The following NWD2 variants were observed in gnomAD, a reference collection of about 807,000 sequenced individuals.
NWD2 encodes NACHT and WD repeat domain-containing protein 2.
In NWD2, 37 loss-of-function variants were observed where a neutral mutation model predicts 132.7. The ratio of observed to expected loss-of-function variants is 0.28; its 90% CI spans 0.21 to 0.37. The LOEUF (loss-of-function observed/expected upper bound fraction) is 0.37. Among genes scored for constraint, NWD2 ranks in the 10% least tolerant of loss-of-function variants. The pLI is 1.00. For synonymous variants in NWD2, 705 were observed against 803.0 expected (o/e 0.88, Z 2.06); for missense variants, 1,592 against 2,122.4 (o/e 0.75, Z 4.91).
chr4:37,385,879 A>G (rs1348831918), intron 3 of NWD2, among the ~76,000 whole-genome samples: 1 of 152,244 alleles, frequency 6.6e-6, no homozygotes. Context: ...AAGTATATTC[A>G]TTAGCTCAGA....
At chr4:37,282,259 C>A (rs184531786) in intron 1 of NWD2, among the ~76,000 whole-genome samples, 5 of 152,088 alleles carry the variant, frequency 3.3e-5, no homozygotes, top group Non-Finnish European at 7.4e-5. Context: ...CTATTTATAT[C>A]GAAAAAGAAA....
chr4:37,274,366 C>G (rs1241315697), intron 1 of NWD2, among the ~76,000 whole-genome samples: 2 of 152,096 alleles, frequency 1.3e-5, no homozygotes, highest in African/African-American at 4.8e-5. Flanking sequence ...ATACACCCTC[C>G]CAAGACCAAA....
chr4:37,377,098 AAACTGTT>A (rs1720362563), intron 3 of NWD2, among the ~76,000 whole-genome samples: 1 of 152,200 alleles, frequency 6.6e-6, no homozygotes, highest in African/African-American at 2.4e-5. Context: ...TTTAGAGATT[AAACTGTT>A]TGCTGACCAC....
chr4:37,339,997 G>A (rs574760684), intron 2 of NWD2, among the ~76,000 whole-genome samples: 12 of 145,132 alleles, frequency 8.3e-5, no homozygotes, highest in East Asian at 4.0e-4. Context: ...ATTTCTTTCC[G>A]TCCTCATATT....
At position 37,444,962 on chromosome 4, in the gene NWD2, A is replaced by G. The variant is rs1212935596; in HGVS notation, c.2974A>G (p.Ser992Gly). 3.2e-6 allele frequency: 5 copies of G among 1,552,076 alleles called. No homozygotes were observed. The highest frequency in any genetic ancestry group is 3.5e-6 in the Non-Finnish European group (4 of 1,147,112). ...VLTALENGSI[S>G]TWDVETRQLL... ...CACAGCTTTAGAAAATGGTTCCATC[A>G]GCACCTGGGATGTAGAGACTCGACA... The change falls in exon 7 of 7, where the codon AGC becomes GGC. Residue 992 changes from serine to glycine, a missense_variant. Around this residue, in one of 7 missense-constraint regions of NWD2, gnomAD observed 1,071 missense variants for 1,398.0 expected, o/e 0.77. Transcript: ENST00000309447. This position sits in a 1 kb window ranked among gnomAD's most constrained non-coding sequence, Gnocchi z 4.8.
chr4:37,321,931 C>T (rs917576340), intron 1 of NWD2, among the ~76,000 whole-genome samples: 4 of 152,086 alleles, frequency 2.6e-5, no homozygotes, highest in African/African-American at 9.7e-5. Context: ...AACACAGAAA[C>T]CAGAGAAGAA....
At chr4:37,355,437 A>G (rs1719852564) in intron 2 of NWD2, among the ~76,000 whole-genome samples, 1 of 152,212 alleles carries the variant, frequency 6.6e-6, no homozygotes, top group Admixed American at 6.5e-5. Flanking sequence ...GGAATCACAC[A>G]AAGTCTCCAG....
intron 2 of NWD2, among the ~76,000 whole-genome samples, chr4:37,348,637 CATATATATATATATATATATATAT>C (rs370439742): frequency 1.5e-4 from 4 of 26,554 alleles, no homozygotes; most frequent in Middle Eastern, 0.021. Flanking sequence ...GTGGTTAATT[CATATATATATATATATATATATAT>C]ATATATATAT....
At chr4:37,355,484 A>C (rs1719853266) in intron 2 of NWD2, among the ~76,000 whole-genome samples, 1 of 152,146 alleles carries the variant, frequency 6.6e-6, no homozygotes, top group Non-Finnish European at 1.5e-5. Flanking sequence ...TCATACTGTG[A>C]GCTTCCATCT....
At chr4:37,422,965 T>C (rs1459582233) in intron 3 of NWD2, among the ~76,000 whole-genome samples, 1 of 151,176 alleles carries the variant, frequency 6.6e-6, no homozygotes, top group African/African-American at 2.4e-5. Flanking sequence ...GCTCACTGTG[T>C]ACACATTGTA....
At chr4:37,384,734 T>C (rs555974181) in intron 3 of NWD2, among the ~76,000 whole-genome samples, 1 of 152,358 alleles carries the variant, frequency 6.6e-6, no homozygotes, top group South Asian at 2.1e-4. Flanking sequence ...AAAAGACTTT[T>C]ACCCCAAAGA....
intron 3 of NWD2, among the ~76,000 whole-genome samples, chr4:37,416,477 A>G (rs574051771): frequency 4.6e-5 from 7 of 152,258 alleles, no homozygotes; most frequent in Admixed American, 4.6e-4. Flanking sequence ...GGATGTGGTG[A>G]AAAGGGAACA....
chr4:37,271,750 T>A (rs1225521646), intron 1 of NWD2, among the ~76,000 whole-genome samples: 4 of 151,766 alleles, frequency 2.6e-5, no homozygotes, highest in African/African-American at 9.7e-5. Context: ...GGGCAGACAT[T>A]TTTTCCTGTT....
At chr4:37,315,157 T>C (rs1296024013) in intron 1 of NWD2, among the ~76,000 whole-genome samples, 1 of 152,124 alleles carries the variant, frequency 6.6e-6, no homozygotes, top group African/African-American at 2.4e-5. Flanking sequence ...ATATATGTTA[T>C]CATTACAATT....
chr4:37,392,647 G>A (rs145173418), intron 3 of NWD2, among the ~76,000 whole-genome samples: 7 of 152,304 alleles, frequency 4.6e-5, no homozygotes, highest in Non-Finnish European at 7.4e-5. Flanking sequence ...AAATGAGTGC[G>A]AGTGGGCAGG....
intron 1 of NWD2, among the ~76,000 whole-genome samples, chr4:37,260,655 G>A (rs548755588): frequency 2.6e-5 from 4 of 152,290 alleles, no homozygotes; most frequent in South Asian, 2.1e-4. Context: ...ATAGCTCCAG[G>A]ATTTAGAAAT....
At chr4:37,369,728 G>A (rs1373209006) in intron 3 of NWD2, among the ~76,000 whole-genome samples, 7 of 152,098 alleles carry the variant, frequency 4.6e-5, no homozygotes, top group African/African-American at 1.7e-4. Flanking sequence ...AAAAGGTAGA[G>A]GGGGGGTCAA....
chr4:37,350,494 T>C (rs1435150510), intron 2 of NWD2, among the ~76,000 whole-genome samples: 1 of 152,236 alleles, frequency 6.6e-6, no homozygotes, highest in East Asian at 1.9e-4. Flanking sequence ...TCTCTATTAT[T>C]GATGTATAGG....
Position 37,445,827 on chromosome 4 carries a change from T to C in NWD2, c.3839T>C (p.Leu1280Ser). ...GAAATCTCAGGTTCCATTGTTAAGT[T>C]AGTGAAATCCAGTCACCACAATATG... Reference protein sequence around the residue: ...LQEISGSIVKLVKSSHHNMLL... With the variant: ...LQEISGSIVKSVKSSHHNMLL... Residue 1280 changes from leucine to serine, a missense_variant, in exon 7 of 7, where the codon TTA becomes TCA. By Grantham distance (145) the Leu-to-Ser change is moderately radical (BLOSUM62 -2). Around this residue, in one of 7 missense-constraint regions of NWD2, gnomAD observed 1,071 missense variants for 1,398.0 expected, o/e 0.77. Transcript: ENST00000309447. This position sits in a 1 kb window ranked among gnomAD's most constrained non-coding sequence, Gnocchi z 4.7. 6.4e-7 allele frequency: 1 copy of C among 1,552,052 alleles called. No homozygotes were observed. The highest frequency in any genetic ancestry group is 1.2e-5 in the South Asian group (1 of 84,054).
Sources: allele counts gnomAD v4.1 joint callset (sites outside exome capture counted in the v4.1 genomes callset), GRCh38; gene constraint gnomAD v4.1.1; regional missense constraint gnomAD v4.1.1; non-coding constraint Gnocchi (gnomAD v3.1); transcripts MANE v1.5; gene names NCBI Gene and HGNC (gene_info 2026-07-23, HGNC 2026-07-21).